The following CADPS2 variants were observed in gnomAD, a reference collection of about 807,000 sequenced individuals.
CADPS2 encodes the protein calcium-dependent secretion activator 2.
Under a neutral mutation model 172.5 loss-of-function variants are expected in CADPS2, and 93 were observed. That is an observed-to-expected ratio of 0.54 (90% CI 0.46 to 0.64). The LOEUF is 0.64. Among genes scored for constraint, CADPS2 ranks in the 30% least tolerant of loss-of-function variants. CADPS2 has a pLI of 0.00. For synonymous variants in CADPS2, 546 were observed against 555.2 expected (o/e 0.98, Z 0.23); for missense variants, 1,420 against 1,565.9 (o/e 0.91, Z 1.57).
At chr7:122,613,426 T>G (rs535130895) in intron 6 of CADPS2, among the ~76,000 whole-genome samples, 1 of 152,230 alleles carries the variant, frequency 6.6e-6, no homozygotes, top group East Asian at 1.9e-4. Flanking sequence ...ACATTTAGCT[T>G]TCCATATGAA....
At chr7:122,789,860 T>C (rs1041535885) in intron 1 of CADPS2, among the ~76,000 whole-genome samples, 2 of 152,046 alleles carry the variant, frequency 1.3e-5, no homozygotes, top group East Asian at 1.9e-4. Flanking sequence ...TTCTTAAACA[T>C]AGGAGCAATG....
rs56107717 is a variant in CADPS2 at position 122,366,684 on chromosome 7, C to T, written c.3388-5671G>A. 8.1e-5 allele frequency: 8 copies of T among 99,252 alleles called. 1 individual carries two copies. Among genetic ancestry groups the T allele is most frequent in the South Asian group, 6.4e-4 (2 of 3,126 alleles). 6.1% of individuals were successfully genotyped at this position (99,252 alleles called of 1,614,324 possible). ...ACACACATACATATATATATATATA[C>T]GTATATATATATATACGTATACATA... On this transcript the variant is annotated intron_variant, in intron 25 of 29. Transcript: ENST00000449022.
intron 6 of CADPS2, among the ~76,000 whole-genome samples, chr7:122,587,386 T>C (rs902282800): frequency 3.9e-5 from 6 of 152,038 alleles, no homozygotes; most frequent in African/African-American, 1.4e-4. Flanking sequence ...TGTTCTTGAA[T>C]TAGTTTGCTG....
At chr7:122,409,742 C>T in intron 19 of CADPS2, 1 of 410,348 alleles carries the variant, frequency 2.4e-6, no homozygotes, top group Non-Finnish European at 5.2e-6. Flanking sequence ...CTCTTTCTTG[C>T]CATCCCACCC....
intron 6 of CADPS2, among the ~76,000 whole-genome samples, chr7:122,591,170 C>G (rs904744949): frequency 6.6e-6 from 1 of 152,008 alleles, no homozygotes; most frequent in Non-Finnish European, 1.5e-5. Context: ...ACAAAAATCA[C>G]AAGCATTCCT....
chr7:122,859,476 G>A (rs1188754687), intron 1 of CADPS2, among the ~76,000 whole-genome samples: 2 of 152,094 alleles, frequency 1.3e-5, no homozygotes, highest in Non-Finnish European at 2.9e-5. Context: ...TGGTCATTTA[G>A]AACCTATAGG....
chr7:122,559,599 G>A (rs757179653), intron 7 of CADPS2, among the ~76,000 whole-genome samples: 15 of 151,686 alleles, frequency 9.9e-5, no homozygotes, highest in Non-Finnish European at 1.6e-4. Context: ...GTGAAACCTC[G>A]TCTCTACTAA....
intron 2 of CADPS2, chr7:122,698,785 G>T (rs776323822): frequency 1.9e-6 from 3 of 1,613,896 alleles, no homozygotes; most frequent in South Asian, 2.2e-5. Flanking sequence ...AACATGAAAT[G>T]ATATGTTCAT....
Position 122,554,667 on chromosome 7 carries a change from T to C in CADPS2, c.1358A>G (p.Asn453Ser), listed in dbSNP as rs754478914. The C allele has an allele frequency of 2.5e-6, 4 of 1,609,174 alleles. No homozygotes were observed. Among genetic ancestry groups the C allele is most frequent in the Admixed American group, 1.7e-5 (1 of 59,356 alleles). ...GTGTAATTCAGCTGATTTGGAGCTATTAGAAGTTGGGTATAATATCACCTG... is the reference window on the plus strand; with the variant it reads ...GTGTAATTCAGCTGATTTGGAGCTACTAGAAGTTGGGTATAATATCACCTG... The part of the protein sequence containing the change: ...LGRVILYPTS[N>S]SSKSAELHRM... The change falls in exon 8 of 30, where the codon AAT becomes AGT. Residue 453 changes from asparagine (N) to serine (S), a missense_variant. Physicochemically the swap from Asn to Ser is conservative, Grantham distance 46. Transcript: ENST00000449022.
intron 2 of CADPS2, among the ~76,000 whole-genome samples, chr7:122,695,020 T>C (rs1352100775): frequency 6.6e-6 from 1 of 152,226 alleles, no homozygotes; most frequent in Non-Finnish European, 1.5e-5. Context: ...GTCAGATCCC[T>C]GGCTCACTAA....
In CADPS2 at chr7:122,620,433, T is replaced by C. The variant is rs569959305; in HGVS notation, c.1104+1048A>G. Among the ~76,000 whole-genome samples the C allele has an allele frequency of 9.1e-4, 139 of 152,310 alleles. 1 individual carries two copies. The highest frequency in any genetic ancestry group is 3.2e-3 in the African/African-American group (133 of 41,584). On this transcript the variant is annotated intron_variant, in intron 5 of 29. Coordinates refer to ENST00000449022, the MANE Select transcript of CADPS2 (RefSeq NM_017954.11). ...TAAAGATGTCAGGTGTGTGTGTGTA[T>C]GTGTGTATGTGTTGTGGTGTACAAA...
chr7:122,553,630 T>G (rs2064610601), intron 8 of CADPS2, among the ~76,000 whole-genome samples: 1 of 152,052 alleles, frequency 6.6e-6, no homozygotes, highest in Admixed American at 6.6e-5. Context: ...CCCCTAATGG[T>G]CATCTAAAGA....
chr7:122,525,371 C>T (rs2061144626), intron 8 of CADPS2, among the ~76,000 whole-genome samples: 1 of 152,140 alleles, frequency 6.6e-6, no homozygotes, highest in Non-Finnish European at 1.5e-5. Flanking sequence ...TAACACTCAG[C>T]ATGTTTCACA....
At chr7:122,740,639 AT>A (rs1304831439) in intron 1 of CADPS2, among the ~76,000 whole-genome samples, 1 of 152,184 alleles carries the variant, frequency 6.6e-6, no homozygotes. Flanking sequence ...TCATAAAAAA[AT>A]AAACTCTATT....
chr7:122,880,602 G>C (rs1310938588), intron 1 of CADPS2, among the ~76,000 whole-genome samples: 2 of 152,094 alleles, frequency 1.3e-5, no homozygotes. Flanking sequence ...AACCTTGACT[G>C]TACACTGAAA....
intron 2 of CADPS2, among the ~76,000 whole-genome samples, chr7:122,682,291 A>T (rs186290371): frequency 3.1e-4 from 47 of 152,358 alleles, no homozygotes; most frequent in African/African-American, 1.0e-3. Context: ...ATGGCAAATA[A>T]GAATTTCTAG....
chr7:122,470,472 G>A (rs1426665047), intron 14 of CADPS2, among the ~76,000 whole-genome samples: 1 of 151,596 alleles, frequency 6.6e-6, no homozygotes. Context: ...GGAGTGATAT[G>A]GACAGATTTT....
rs577721236 is a variant in CADPS2 at position 122,524,667 on chromosome 7, T to C, written c.1476-11352A>G. On this transcript the variant is annotated intron_variant, in intron 8 of 29. Coordinates refer to ENST00000449022, the MANE Select transcript of CADPS2 (RefSeq NM_017954.11). Reference sequence around the variant, plus strand: ...AAAGTGCAGAATATTTTCCATAGAATATCTGTAACAGTCATGTTCTCTAGC... The same window carrying C: ...AAAGTGCAGAATATTTTCCATAGAACATCTGTAACAGTCATGTTCTCTAGC... 3.3e-5 allele frequency among the ~76,000 whole-genome samples: 5 copies of C among 152,356 alleles called. No homozygotes were observed. In the South Asian group the frequency reaches 1.0e-3, roughly 32 times the overall value.
At chr7:122,366,921 C>A (rs1181733548) in intron 25 of CADPS2, 2 of 152,006 alleles carry the variant, frequency 1.3e-5, no homozygotes, top group Non-Finnish European at 2.9e-5. Flanking sequence ...GTATCTAGGA[C>A]AACTTCTAAA....
Sources: allele counts gnomAD v4.1 joint callset (sites outside exome capture counted in the v4.1 genomes callset), GRCh38; gene constraint gnomAD v4.1.1; transcripts MANE v1.5; gene names NCBI Gene and HGNC (gene_info 2026-07-23, HGNC 2026-07-21).